Variants in GDAP1 observed in about 807,000 individuals in gnomAD.
The protein encoded by GDAP1 is ganglioside-induced differentiation-associated protein 1.
Under a neutral mutation model 40.1 loss-of-function variants are expected in GDAP1, and 34 were observed. The ratio of observed to expected loss-of-function variants is 0.85; its 90% CI spans 0.64 to 1.13. The LOEUF is 1.13. Ranked by LOEUF, GDAP1 falls within the 50% of genes most tolerant of loss-of-function variation. The pLI is 0.00. For synonymous variants in GDAP1, 170 were observed against 157.4 expected, an observed-to-expected ratio of 1.08 and a Z score of -0.60; for missense variants, 374 against 433.7, an observed-to-expected ratio of 0.86 and a Z score of 1.22.
At chr8:74,427,514 T>G (rs183589590) in intron 2 of GDAP1, among the ~76,000 whole-genome samples, 105 of 152,354 alleles carry the variant, frequency 6.9e-4, no homozygotes, top group African/African-American at 2.0e-3. Context: ...CAATCATTTC[T>G]TTTGTTATAA....
chr8:74,404,260 A>G (rs1344732895), intron 2 of GDAP1, among the ~76,000 whole-genome samples: 1 of 149,600 alleles, frequency 6.7e-6, no homozygotes, highest in Non-Finnish European at 1.5e-5. Flanking sequence ...AGGTTGGTGC[A>G]AAAGTAATTG....
At chr8:74,460,368 A>C (rs992649909) in intron 2 of GDAP1, among the ~76,000 whole-genome samples, 3 of 152,242 alleles carry the variant, frequency 2.0e-5, no homozygotes, top group Non-Finnish European at 4.4e-5. Context: ...TGAACCTTCC[A>C]AATCTTGATT....
chr8:74,400,529 A>T (rs1810307439), intron 2 of GDAP1, among the ~76,000 whole-genome samples: 1 of 150,024 alleles, frequency 6.7e-6, no homozygotes, highest in Non-Finnish European at 1.5e-5. Context: ...GTGTCTTTTA[A>T]TTGGAGCATT....
At chr8:74,386,578 G>C (rs1037091346) in intron 2 of GDAP1, among the ~76,000 whole-genome samples, 7 of 152,096 alleles carry the variant, frequency 4.6e-5, no homozygotes, top group African/African-American at 1.7e-4. Flanking sequence ...TGCGATTTTT[G>C]TTACTGTAGC....
In GDAP1 at chr8:74,473,392, T is replaced by C. The variant is rs1452759575; in HGVS notation, c.166-15286T>C. 1.1e-4 allele frequency among the ~76,000 whole-genome samples: 16 copies of C among 152,374 alleles called. No individual in the cohort carries two copies. The East Asian group carries it at 1.2e-3, about 11-fold the overall frequency. ...GTCCATTCCTGTGTCCAGAATGGTA[T>C]TGCCTAGGTTGTCTTCCAGGATTTT... On this transcript the variant is annotated intron_variant, in intron 2 of 2. Transcript: ENST00000523640.
intron 2 of GDAP1, among the ~76,000 whole-genome samples, chr8:74,381,597 A>G (rs1326480615): frequency 6.6e-6 from 1 of 152,052 alleles, no homozygotes; most frequent in Non-Finnish European, 1.5e-5. Context: ...CTCTACTAAA[A>G]ATACAAAAAT....
At chr8:74,436,534 T>G (rs1369195743) in intron 2 of GDAP1, among the ~76,000 whole-genome samples, 1 of 151,094 alleles carries the variant, frequency 6.6e-6, no homozygotes, top group East Asian at 2.0e-4. Context: ...GTGATTCCCC[T>G]GCCTCAGCCT....
intron 2 of GDAP1, among the ~76,000 whole-genome samples, chr8:74,387,183 G>A (rs1046215911): frequency 6.6e-6 from 1 of 152,104 alleles, no homozygotes; most frequent in Non-Finnish European, 1.5e-5. Flanking sequence ...TCTTTCTCTT[G>A]CCTAATTGGC....
intron 2 of GDAP1, among the ~76,000 whole-genome samples, chr8:74,355,675 G>T (rs1365038819): frequency 6.6e-6 from 1 of 152,046 alleles, no homozygotes; most frequent in Non-Finnish European, 1.5e-5. Flanking sequence ...ATTTAACTTG[G>T]CTACTAATCA....
intron 4 of GDAP1, among the ~76,000 whole-genome samples, chr8:74,362,604 C>A (rs1241109768): frequency 1.3e-5 from 2 of 152,156 alleles, no homozygotes; most frequent in Non-Finnish European, 2.9e-5. Flanking sequence ...GCTACTCTTT[C>A]AATTACGGCT....
chr8:74,355,630 A>G (rs898328775), intron 2 of GDAP1, among the ~76,000 whole-genome samples: 9 of 152,208 alleles, frequency 5.9e-5, no homozygotes, highest in African/African-American at 1.4e-4. Context: ...GGATTTTTCA[A>G]TCTATCTATT....
intron 2 of GDAP1, among the ~76,000 whole-genome samples, chr8:74,429,581 T>G (rs1806000936): frequency 6.6e-6 from 1 of 152,210 alleles, no homozygotes; most frequent in Non-Finnish European, 1.5e-5. Flanking sequence ...CATCTTCAGA[T>G]GTCTTCACAT....
intron 2 of GDAP1, among the ~76,000 whole-genome samples, chr8:74,402,789 A>T (rs528281314): frequency 2.7e-5 from 4 of 150,520 alleles, no homozygotes; most frequent in African/African-American, 1.0e-4. Flanking sequence ...TATACAAAAA[A>T]TCTTAAAGTT....
intron 2 of GDAP1, among the ~76,000 whole-genome samples, chr8:74,475,585 G>A (rs1443040575): frequency 2.0e-5 from 3 of 152,028 alleles, no homozygotes; most frequent in African/African-American, 2.4e-5. Context: ...CCATGTAATT[G>A]TATGGTTTTG....
chr8:74,448,341 T>C (rs945575092), intron 2 of GDAP1, among the ~76,000 whole-genome samples: 22 of 152,192 alleles, frequency 1.4e-4, no homozygotes, highest in Non-Finnish European at 2.9e-4. Flanking sequence ...TCCTTTTTAT[T>C]GCTGAAGAGT....
intron 5 of GDAP1, among the ~76,000 whole-genome samples, chr8:74,363,504 G>A (rs1381990808): frequency 6.6e-6 from 1 of 152,146 alleles, no homozygotes; most frequent in African/African-American, 2.4e-5. Flanking sequence ...ATACACATGG[G>A]CCATTTATGC....
At chr8:74,471,087 T>C (rs892772604) in intron 2 of GDAP1, among the ~76,000 whole-genome samples, 6 of 152,198 alleles carry the variant, frequency 3.9e-5, no homozygotes, top group Admixed American at 6.5e-5. Context: ...CACCCACTTT[T>C]TGATGGGGTT....
intron 2 of GDAP1, among the ~76,000 whole-genome samples, chr8:74,479,748 T>C (rs901022970): frequency 6.6e-6 from 1 of 152,224 alleles, no homozygotes; most frequent in South Asian, 2.1e-4. Flanking sequence ...AACTGGACCC[T>C]GTCAGGGTGT....
At chr8:74,428,374 C>T (rs1805979559) in intron 2 of GDAP1, among the ~76,000 whole-genome samples, 1 of 152,114 alleles carries the variant, frequency 6.6e-6, no homozygotes, top group Non-Finnish European at 1.5e-5. Context: ...CCCCGACCAT[C>T]ACAGGAGAAC....
Sources: allele counts gnomAD v4.1 joint callset (sites outside exome capture counted in the v4.1 genomes callset), GRCh38; gene constraint gnomAD v4.1.1; transcripts MANE v1.5; gene names NCBI Gene and HGNC (gene_info 2026-07-23, HGNC 2026-07-21).